VCPKMT: variants seen among roughly 807,000 people sequenced by gnomAD.
VCPKMT encodes the protein valosin containing protein lysine methyltransferase.
A neutral mutation model predicts 28.6 loss-of-function variants in VCPKMT; 32 were observed. The ratio of observed to expected loss-of-function variants is 1.12; its 90% CI spans 0.84 to 1.50. The LOEUF is 1.50. Ranked by LOEUF, VCPKMT falls within the 40% of genes most tolerant of loss-of-function variation. The probability of loss-of-function intolerance (pLI) is 0.00; values close to 1 mark genes in which losing one functional copy is unlikely to be tolerated. For synonymous variants in VCPKMT, 138 were observed against 111.4 expected, an observed-to-expected ratio of 1.24 and a Z score of -1.50; for missense variants, 366 against 285.0, an observed-to-expected ratio of 1.28 and a Z score of -2.05.
intron 5 of VCPKMT, among the ~76,000 whole-genome samples, chr14:50,110,869 G>T (rs867121792): frequency 3.9e-5 from 6 of 152,194 alleles, no homozygotes; most frequent in Non-Finnish European, 8.8e-5. Flanking sequence ...GATAAGGCTC[G>T]AGAATACTGT....
chr14:50,103,781 C>T (rs754498963), downstream of VCPKMT, among the ~76,000 whole-genome samples: 2 of 152,174 alleles, frequency 1.3e-5, no homozygotes, highest in South Asian at 2.1e-4. Context: ...CCATTCCCAC[C>T]GTGACTGGGC....
At chr14:50,102,822 T>C in the VCPKMT span, among the ~76,000 whole-genome samples, 2 of 152,230 alleles carry the variant, frequency 1.3e-5, no homozygotes, top group Non-Finnish European at 1.5e-5. Flanking sequence ...GTTACTGTAT[T>C]ATAGGTAATG....
chr14:50,116,566 A>G lies in VCPKMT; in HGVS notation c.-14T>C, dbSNP rs1471847528. ...CGTATCCGCCATTGCGCCCGGCAAC[A>G]GAAAGCGGCGCGCGCAGGGACGTCA... On this transcript the variant is annotated 5_prime_UTR_variant, in exon 1 of 6. Coordinates refer to ENST00000395860, the MANE Select transcript of VCPKMT (RefSeq NM_024558.3). 6.3e-7 allele frequency: 1 copy of G among 1,594,922 alleles called. No individual in the cohort carries two copies. The highest frequency in any genetic ancestry group is 8.6e-7 in the Non-Finnish European group (1 of 1,169,376).
intron 5 of VCPKMT, 42 bp downstream of exon 5, chr14:50,112,573 T>G (rs771783317): frequency 5.3e-6 from 7 of 1,332,142 alleles, no homozygotes; most frequent in Middle Eastern, 2.6e-4. Flanking sequence ...GTCCAGCTGA[T>G]GAAACCTCCT....
chr14:50,115,601 C>A (rs1353042139), intron 3 of VCPKMT, among the ~76,000 whole-genome samples: 1 of 152,206 alleles, frequency 6.6e-6, no homozygotes, highest in Non-Finnish European at 1.5e-5. Flanking sequence ...AAAATTTTTA[C>A]AGAAGCCTCT....
downstream of VCPKMT, among the ~76,000 whole-genome samples, chr14:50,107,805 G>C (rs576822232): frequency 7.2e-5 from 11 of 152,266 alleles, no homozygotes; most frequent in African/African-American, 2.4e-4. Flanking sequence ...CAGGAAATTA[G>C]TGAAGTTTCA....
intron 5 of VCPKMT, among the ~76,000 whole-genome samples, chr14:50,110,705 G>C (rs1017273303): frequency 2.6e-5 from 4 of 152,118 alleles, no homozygotes; most frequent in Non-Finnish European, 5.9e-5. Context: ...ATACTCAAGA[G>C]GTCTGAAAAC....
chr14:50,112,854 T>C, intron 4 of VCPKMT, 135 bp from the exon 5 acceptor site: 1 of 524,840 alleles, frequency 1.9e-6, no homozygotes, highest in Non-Finnish European at 3.3e-6. Flanking sequence ...TGGTGCGATC[T>C]TGGCTCACTG....
chr14:50,115,479 GAATT>G (rs1883076043), intron 3 of VCPKMT, among the ~76,000 whole-genome samples: 1 of 152,156 alleles, frequency 6.6e-6, no homozygotes, highest in Non-Finnish European at 1.5e-5. Flanking sequence ...AAAGAACAAT[GAATT>G]ATTTATAACT....
At chr14:50,103,610 T>A in the VCPKMT span, among the ~76,000 whole-genome samples, 1 of 152,186 alleles carries the variant, frequency 6.6e-6, no homozygotes, top group Non-Finnish European at 1.5e-5. Flanking sequence ...CTGTCCCTAT[T>A]GGCCTTCGAA....
In VCPKMT at chr14:50,116,276, C is replaced by G. The variant is rs1883199370; in HGVS notation, c.266+11G>C. 6.2e-7 allele frequency: 1 copy of G among 1,605,208 alleles called. No individual in the cohort carries two copies. The highest frequency in any genetic ancestry group is 8.5e-7 in the Non-Finnish European group (1 of 1,175,888). On this transcript the variant is annotated intron_variant, in intron 1 of 5. Coordinates refer to ENST00000395860, the MANE Select transcript of VCPKMT (RefSeq NM_024558.3). ...GGCGCCCCCACATCCCGCCCGCCCG[C>G]CAGCTCTTACCCGAGGGTAGCAGCC... is the stretch of plus-strand genomic sequence containing the variant.
the VCPKMT span, among the ~76,000 whole-genome samples, chr14:50,103,606 C>CTA: frequency 6.6e-6 from 1 of 152,166 alleles, no homozygotes; most frequent in Non-Finnish European, 1.5e-5. Context: ...TGCTCTGTCC[C>CTA]TATTGGCCTT....
At chr14:50,115,758 ATG>A (rs2096265943) in intron 3 of VCPKMT, 79 bp downstream of exon 3, 2 of 1,485,652 alleles carry the variant, frequency 1.3e-6, no homozygotes, top group Non-Finnish European at 1.8e-6. Flanking sequence ...AGATGTTAAA[ATG>A]TGAAGAAACG....
At chr14:50,114,010 G>GT (rs572210682) in intron 4 of VCPKMT, among the ~76,000 whole-genome samples, 68 of 152,330 alleles carry the variant, frequency 4.5e-4, no homozygotes, top group Non-Finnish European at 9.1e-4. Flanking sequence ...GCAGCATCAT[G>GT]TTTAATAAAC....
In VCPKMT at chr14:50,108,877, T is replaced by C. The variant is rs1251047107; in HGVS notation, c.*822A>G. ...TATTCAAAAACCTTTCACTGCTTCA[T>C]GTAAACAATACCAGTATTTTTAAGC... On this transcript the variant is annotated 3_prime_UTR_variant, in exon 6 of 6. Transcript: ENST00000395860. 3 of 985,366 alleles carry C rather than the reference T, an allele frequency of 3.0e-6. No individual in the cohort carries two copies. The highest frequency in any genetic ancestry group is 1.2e-6 in the Non-Finnish European group (1 of 829,942). 61.0% of individuals were successfully genotyped at this position (985,366 alleles called of 1,614,324 possible). A position where few individuals can be genotyped will look rare whatever the true frequency, so the allele number is the denominator to read the frequency against.
At chr14:50,103,376 AATAAAT>A in the VCPKMT span, among the ~76,000 whole-genome samples, 2 of 152,240 alleles carry the variant, frequency 1.3e-5, no homozygotes, top group African/African-American at 2.4e-5. Flanking sequence ...TTTTAGAGTT[AATAAAT>A]ATAAACTCTG....
chr14:50,115,758 A>C, intron 3 of VCPKMT, 81 bp downstream of exon 3: 2 of 1,485,652 alleles, frequency 1.3e-6, no homozygotes, highest in Non-Finnish European at 1.8e-6. Context: ...AGATGTTAAA[A>C]TGTGAAGAAA....
chr14:50,107,956 A>C (rs1882391144), downstream of VCPKMT, among the ~76,000 whole-genome samples: 1 of 152,086 alleles, frequency 6.6e-6, no homozygotes, highest in African/African-American at 2.4e-5. Flanking sequence ...TCCGGGGCTA[A>C]GGAGGGTGGA....
downstream of VCPKMT, among the ~76,000 whole-genome samples, chr14:50,108,099 G>T (rs73289732): frequency 9.6e-3 from 1,438 of 150,358 alleles, 21 homozygotes; most frequent in African/African-American, 0.034. Context: ...TGAGGTAGGA[G>T]GATCACCCAA....
Sources: allele counts gnomAD v4.1 joint callset (sites outside exome capture counted in the v4.1 genomes callset), GRCh38; gene constraint gnomAD v4.1.1; transcripts MANE v1.5; gene names NCBI Gene and HGNC (gene_info 2026-07-23, HGNC 2026-07-21).